Variants in RTTN observed in about 807,000 individuals in gnomAD.
The protein encoded by RTTN is rotatin.
A neutral mutation model predicts 269.2 loss-of-function variants in RTTN; 182 were observed. The ratio of observed to expected loss-of-function variants is 0.68; its 90% confidence interval spans 0.60 to 0.76. RTTN has a LOEUF of 0.76. RTTN is among the 30% of genes least tolerant of loss of function. RTTN has a pLI of 0.00. For synonymous variants in RTTN, 1,006 were observed against 963.5 expected (o/e 1.04, Z -0.82); for missense variants, 2,545 against 2,608.6 (o/e 0.98, Z 0.53).
At chr18:70,198,875 C>T (rs1346415809) in intron 5 of RTTN, among the ~76,000 whole-genome samples, 1 of 152,170 alleles carries the variant, frequency 6.6e-6, no homozygotes, top group East Asian at 1.9e-4. Context: ...CCAAGGACTA[C>T]ACAAGAGTCC....
intron 32 of RTTN, among the ~76,000 whole-genome samples, chr18:70,085,420 T>C (rs1461609920): frequency 6.6e-6 from 1 of 152,194 alleles, no homozygotes; most frequent in African/African-American, 2.4e-5. Context: ...CCTGGATTCA[T>C]GCTTCGGGTC....
chr18:70,146,332 G>A (rs965213880), intron 17 of RTTN, among the ~76,000 whole-genome samples: 21 of 152,156 alleles, frequency 1.4e-4, no homozygotes, highest in Non-Finnish European at 2.2e-4. Flanking sequence ...GCTGAGTGGG[G>A]AGGTGGGAGA....
intron 31 of RTTN, 29 bp downstream of exon 31, chr18:70,087,960 A>C (rs757323834): frequency 6.2e-7 from 1 of 1,606,302 alleles, no homozygotes; most frequent in South Asian, 1.1e-5. Flanking sequence ...AGAATTTCTA[A>C]GGAAAAAAAG....
chr18:70,030,192 A>G (rs2056972617), intron 41 of RTTN, 83 bp from the exon 42 acceptor site: 1 of 897,560 alleles, frequency 1.1e-6, no homozygotes. Flanking sequence ...AGATTCTCAA[A>G]AAGGTAACAT....
chr18:70,128,593 T>C, intron 23 of RTTN, 47 bp from the exon 24 acceptor site: 1 of 1,531,266 alleles, frequency 6.5e-7, no homozygotes, highest in Non-Finnish European at 9.0e-7. Flanking sequence ...AATTCTTAAA[T>C]GCTACTCAAA....
chr18:70,185,773 GAAAAC>G (rs1055713483), intron 10 of RTTN, among the ~76,000 whole-genome samples: 25 of 151,742 alleles, frequency 1.6e-4, no homozygotes, highest in African/African-American at 5.1e-4. Context: ...GGATCTACCA[GAAAAC>G]AAAACAAAAC....
chr18:70,133,972 A>G (rs2060059537), intron 23 of RTTN, among the ~76,000 whole-genome samples: 1 of 152,156 alleles, frequency 6.6e-6, no homozygotes. Flanking sequence ...ATACTTGGAG[A>G]TAACTGGAGA....
At chr18:70,099,401 A>T (rs2059094739) in intron 28 of RTTN, among the ~76,000 whole-genome samples, 1 of 152,200 alleles carries the variant, frequency 6.6e-6, no homozygotes. Flanking sequence ...GTGTCTGCTC[A>T]TATCCTTCGC....
chr18:70,180,592 A>AG lies in RTTN; in HGVS notation c.1306-3748_1306-3747insC, dbSNP rs60843001. Among the ~76,000 whole-genome samples, 3 of 79,084 alleles carry AG rather than the reference A, an allele frequency of 3.8e-5. No homozygotes were observed. In the Admixed American group the frequency reaches 5.5e-4, roughly 14 times the overall value. 51.9% of individuals were successfully genotyped at this position (79,084 alleles called of 152,430 possible). A position where few individuals can be genotyped will look rare whatever the true frequency, so the allele number is the denominator to read the frequency against. On this transcript the variant is annotated intron_variant, in intron 10 of 48. Coordinates refer to ENST00000640769, the MANE Select transcript of RTTN (RefSeq NM_173630.4). ...GTGAGACTCTGAGTCTGGGGAAGAG[A>AG]AAAAAAAAAAAAAAAAGCCCTCACT...
intron 43 of RTTN, among the ~76,000 whole-genome samples, chr18:70,028,028 T>A (rs2056901925): frequency 6.6e-6 from 1 of 152,176 alleles, no homozygotes; most frequent in African/African-American, 2.4e-5. Context: ...TTTTTTAAAA[T>A]TTTTATTTTC....
chr18:70,030,795 C>T (rs1568266827), intron 41 of RTTN, 81 bp downstream of exon 41: 2 of 1,070,758 alleles, frequency 1.9e-6, no homozygotes, highest in East Asian at 4.9e-5. Context: ...ATTTTGAGTC[C>T]AAAGAAAATT....
chr18:70,083,526 C>T (rs1040705621), intron 32 of RTTN, among the ~76,000 whole-genome samples: 2 of 151,642 alleles, frequency 1.3e-5, no homozygotes, highest in Non-Finnish European at 2.9e-5. Context: ...TGGAAAATAA[C>T]CTAATTTAGT....
intron 11 of RTTN, among the ~76,000 whole-genome samples, chr18:70,174,726 A>G (rs13381206): frequency 0.087 from 13,227 of 151,480 alleles, 1,262 homozygotes; most frequent in African/African-American, 0.23. Context: ...AAAAAAAAAA[A>G]AGAGAATAAA....
chr18:70,202,382 G>A (rs1345145714), intron 3 of RTTN, among the ~76,000 whole-genome samples: 1 of 152,184 alleles, frequency 6.6e-6, no homozygotes, highest in Admixed American at 6.5e-5. Context: ...AAACAAAGGA[G>A]TCAAATATTA....
chr18:70,127,770 G>T, intron 24 of RTTN, 29 bp from the exon 25 acceptor site: 3 of 1,447,492 alleles, frequency 2.1e-6, no homozygotes, highest in Non-Finnish European at 2.9e-6. Flanking sequence ...AATGAAGGAG[G>T]AACATAAAGC....
chr18:70,169,474 C>A (rs914823249), intron 11 of RTTN, among the ~76,000 whole-genome samples: 1 of 152,150 alleles, frequency 6.6e-6, no homozygotes, highest in African/African-American at 2.4e-5. Flanking sequence ...GACAAGAACA[C>A]TTCCCCATCC....
chr18:70,092,920 A>T, intron 28 of RTTN, 116 bp from the exon 29 acceptor site: 1 of 891,180 alleles, frequency 1.1e-6, no homozygotes, highest in Non-Finnish European at 1.6e-6. Flanking sequence ...TAAAGTTGTA[A>T]TATTTTTAGT....
intron 11 of RTTN, among the ~76,000 whole-genome samples, chr18:70,171,294 A>G (rs2061136509): frequency 6.6e-6 from 1 of 152,236 alleles, no homozygotes; most frequent in African/African-American, 2.4e-5. Context: ...CTAAGAGAGT[A>G]AATCCTAATG....
chr18:70,129,947 A>C (rs200056421), intron 23 of RTTN: 4 of 130,774 alleles, frequency 3.1e-5, no homozygotes, highest in African/African-American at 7.9e-5. Flanking sequence ...TAATAATAAT[A>C]ATCCAATTAA....
Sources: allele counts gnomAD v4.1 joint callset (sites outside exome capture counted in the v4.1 genomes callset), GRCh38; gene constraint gnomAD v4.1.1; transcripts MANE v1.5; gene names NCBI Gene and HGNC (gene_info 2026-07-23, HGNC 2026-07-21).